Variants in ZNF577 observed in about 807,000 individuals in gnomAD.
ZNF577 encodes the protein zinc finger protein 577.
In ZNF577, 14 loss-of-function variants were observed where a neutral mutation model predicts 13.9. The ratio of observed to expected loss-of-function variants is 1.00; its 90% CI spans 0.66 to 1.57. The LOEUF (loss-of-function observed/expected upper bound fraction) is 1.57. ZNF577 is among the 40% of genes most tolerant of loss of function. The pLI is 0.00. For missense variants in ZNF577, 555 were observed against 579.2 expected (o/e 0.96, Z 0.43); for synonymous variants, 203 against 202.9 (o/e 1.00, Z 0.00).
At chr19:51,852,513 G>A (rs2122567053) in intron 5 of ZNF577, among the ~76,000 whole-genome samples, 1 of 152,172 alleles carries the variant, frequency 6.6e-6, no homozygotes, top group East Asian at 1.9e-4. Context: ...TGTCCATTTT[G>A]GAGGAATTTT....
Position 51,824,886 on chromosome 19 carries a change from C to A in ZNF577, c.*600-13212G>T. 8.7e-7 allele frequency: 1 copy of A among 1,150,380 alleles called. No homozygotes were observed. Among genetic ancestry groups the A allele is most frequent in the Non-Finnish European group, 1.2e-6 (1 of 819,234 alleles). The allele number at this position is 1,150,380 out of a possible 1,614,324, so 71.3% of individuals were successfully genotyped here. On this transcript the variant is annotated intron_variant and NMD_transcript_variant, in intron 9 of 10. Coordinates refer to the ZNF577 transcript ENST00000638827. This position sits in a 1 kb window ranked among gnomAD's most constrained non-coding sequence, Gnocchi z 4.7. ...AAAAAAAAATTCTGACAGTGTTTTTCTTCCTCTTTCATACCACCACCACCA... is the reference window on the plus strand; with the variant it reads ...AAAAAAAAATTCTGACAGTGTTTTTATTCCTCTTTCATACCACCACCACCA...
chr19:51,858,358 T>C (rs2084460184), intron 5 of ZNF577, among the ~76,000 whole-genome samples: 1 of 152,224 alleles, frequency 6.6e-6, no homozygotes, highest in South Asian at 2.1e-4. Flanking sequence ...TGTTCAGCCA[T>C]TCCATACTAC....
At chr19:51,865,093 C>T (rs58120918), downstream of ZNF577, among the ~76,000 whole-genome samples, 18,514 of 152,096 alleles carry the variant, frequency 0.12, 1,239 homozygotes, top group East Asian at 0.25. Context: ...AATGAACTTT[C>T]CCAAAGATTT....
intron 9 of ZNF577, among the ~76,000 whole-genome samples, chr19:51,826,460 TTTC>T (rs2084232521): frequency 1.3e-5 from 2 of 152,230 alleles, no homozygotes; most frequent in African/African-American, 4.8e-5. Context: ...ATAGGTTCGA[TTTC>T]TTTAACAATT....
At chr19:51,881,773 C>G (rs1236033296) in intron 1 of ZNF577, among the ~76,000 whole-genome samples, 1 of 152,196 alleles carries the variant, frequency 6.6e-6, no homozygotes, top group Admixed American at 6.5e-5. Context: ...GCTCAGCCTG[C>G]TCCTTCCACA....
chr19:51,835,476 G>T (rs988525528), intron 9 of ZNF577, among the ~76,000 whole-genome samples: 3 of 147,868 alleles, frequency 2.0e-5, no homozygotes, highest in African/African-American at 7.5e-5. Context: ...ATTTAAGAAA[G>T]AAGTAACATC....
intron 5 of ZNF577, among the ~76,000 whole-genome samples, chr19:51,855,259 G>C (rs1263274776): frequency 6.6e-6 from 1 of 152,106 alleles, no homozygotes; most frequent in African/African-American, 2.4e-5. Context: ...AGTAATTTAT[G>C]TATTCCCTGC....
chr19:51,859,718 TTAA>T (rs1199412948), intron 5 of ZNF577, among the ~76,000 whole-genome samples: 1 of 152,146 alleles, frequency 6.6e-6, no homozygotes, highest in Non-Finnish European at 1.5e-5. Flanking sequence ...TTTAGACTCC[TTAA>T]TAATGAGTCA....
In ZNF577 at chr19:51,877,266, G is replaced by C; in HGVS notation, c.283+16C>G. 1 of 1,609,828 alleles carries C rather than the reference G, an allele frequency of 6.2e-7. No individual in the cohort carries two copies. The highest frequency in any genetic ancestry group is 8.5e-7 in the Non-Finnish European group (1 of 1,176,462). Reference sequence around the variant, plus strand: ...CATGCCATTTCTCCCCATTTTCTTAGTTTTCACTCACTTACCTGGACAGAT... The same window carrying C: ...CATGCCATTTCTCCCCATTTTCTTACTTTTCACTCACTTACCTGGACAGAT... On this transcript the variant is annotated intron_variant, in intron 5 of 5. Coordinates refer to ENST00000638348, the MANE Select transcript of ZNF577 (RefSeq NM_001370449.1).
intron 5 of ZNF577, among the ~76,000 whole-genome samples, chr19:51,846,295 A>T (rs2084350798): frequency 6.6e-6 from 1 of 152,238 alleles, no homozygotes. Flanking sequence ...TTTGCATAAT[A>T]ATAGCTACCT....
intron 5 of ZNF577, among the ~76,000 whole-genome samples, chr19:51,845,384 G>A (rs2084345683): frequency 6.6e-6 from 1 of 152,000 alleles, no homozygotes; most frequent in South Asian, 2.1e-4. Context: ...AGCTACCCGG[G>A]AGGCTGAGGC....
rs2084609932 is a variant in ZNF577 at position 51,868,948 on chromosome 19, G to A, written c.*3584C>T. On this transcript the variant is annotated 3_prime_UTR_variant, in exon 6 of 6. Transcript: ENST00000638348. ...AATGTGTTTGCAGGCAGTATGCTTG[G>A]TAAAAGTCATCACCATTCTCCAGTC... Among the ~76,000 whole-genome samples, 1 of 152,220 alleles carries A rather than the reference G, an allele frequency of 6.6e-6. No individual in the cohort carries two copies. The highest frequency in any genetic ancestry group is 1.5e-5 in the Non-Finnish European group (1 of 68,032).
intron 5 of ZNF577, among the ~76,000 whole-genome samples, chr19:51,852,862 G>T (rs1014184297): frequency 3.2e-4 from 48 of 152,048 alleles, no homozygotes; most frequent in Non-Finnish European, 1.2e-4. Flanking sequence ...TTTAATAATT[G>T]TATATGCCCT....
intron 9 of ZNF577, among the ~76,000 whole-genome samples, chr19:51,821,704 C>T (rs538127646): frequency 1.7e-4 from 26 of 151,938 alleles, no homozygotes; most frequent in Admixed American, 1.3e-3. Flanking sequence ...AGAGTTGCAA[C>T]GGTAGTGGCT....
intron 9 of ZNF577, among the ~76,000 whole-genome samples, chr19:51,829,857 TC>T (rs949670444): frequency 2.8e-4 from 43 of 152,250 alleles, no homozygotes; most frequent in African/African-American, 1.0e-3. Context: ...CTGCTATCAC[TC>T]CTTGTCCCCA....
At chr19:51,852,279 G>A (rs1162411834) in intron 5 of ZNF577, among the ~76,000 whole-genome samples, 1 of 152,168 alleles carries the variant, frequency 6.6e-6, no homozygotes, top group Non-Finnish European at 1.5e-5. Flanking sequence ...TTGGGCTAAT[G>A]GGCTGCCTCT....
intron 3 of ZNF577, chr19:51,878,745 G>A (rs1018521207): frequency 2.8e-5 from 11 of 390,598 alleles, no homozygotes; most frequent in East Asian, 2.4e-4. Flanking sequence ...TTATTCCTTT[G>A]TTTCTCATAA....
chr19:51,863,709 GAAAATA>G (rs2084528949), downstream of ZNF577, among the ~76,000 whole-genome samples: 1 of 152,070 alleles, frequency 6.6e-6, no homozygotes, highest in African/African-American at 2.4e-5. Context: ...TTCAAAAGGA[GAAAATA>G]AAAATAAAGA....
At chr19:51,876,804 T>C (rs2084771585) in intron 5 of ZNF577, among the ~76,000 whole-genome samples, 3 of 151,866 alleles carry the variant, frequency 2.0e-5, no homozygotes. Flanking sequence ...GGCCGGCACC[T>C]GTAATCCCAG....
Sources: gnomAD v4.1 joint callset for allele counts (sites outside exome capture counted in the v4.1 genomes callset) on GRCh38, gnomAD v4.1.1 for gene constraint, Gnocchi (gnomAD v3.1) non-coding constraint, MANE v1.5 for transcripts, NCBI Gene and HGNC (gene_info 2026-07-23, HGNC 2026-07-21) for gene names.